The following EML6 variants were observed in gnomAD, a reference collection of about 807,000 sequenced individuals.
The protein encoded by EML6 is EMAP like 6.
EML6 carries 154 observed loss-of-function variants against 240.1 expected under a neutral mutation model. That is an observed-to-expected ratio of 0.64 (90% CI 0.56 to 0.73). The LOEUF is 0.73. Ranked by LOEUF, EML6 falls within the 30% of genes least tolerant of loss-of-function variation. EML6 has a pLI of 0.00. For missense variants in EML6, 2,964 were observed against 2,474.6 expected (o/e 1.20, Z -4.20); for synonymous variants, 1,148 against 899.0 (o/e 1.28, Z -4.95).
At chr2:54,795,595 G>A (rs1452241940) in intron 2 of EML6, among the ~76,000 whole-genome samples, 1 of 152,172 alleles carries the variant, frequency 6.6e-6, no homozygotes, top group Non-Finnish European at 1.5e-5. Context: ...CCAGCAAGGA[G>A]CATATGCCCC....
In EML6 at chr2:54,964,150, A is replaced by C. The variant is rs1459316849; in HGVS notation, c.5322A>C (p.Gln1774His). The C allele has an allele frequency of 3.2e-6, 5 of 1,551,550 alleles. No individual in the cohort carries two copies. The South Asian group carries it at 6.0e-5, about 18-fold the overall frequency. ...GKKRDRKSAI[Q>H]DIRISPDNRF... Reference sequence around the variant, plus strand: ...AACGAGACCGGAAATCTGCTATCCAAGATATCAGGTACCTAAGTGGGTGGT... The same window carrying C: ...AACGAGACCGGAAATCTGCTATCCACGATATCAGGTACCTAAGTGGGTGGT... Residue 1774 changes from glutamine to histidine, a missense_variant, in exon 37 of 42, where the codon CAA becomes CAC. Gln to His is a conservative substitution (Grantham distance 24, BLOSUM62 0). Transcript: ENST00000356458.
chr2:54,948,336 G>A (rs1675794862), intron 28 of EML6, among the ~76,000 whole-genome samples: 1 of 152,046 alleles, frequency 6.6e-6, no homozygotes, highest in African/African-American at 2.4e-5. Context: ...CTGTCCCTCT[G>A]CTTCCTGCCT....
chr2:54,841,048 C>G (rs1669420228), intron 7 of EML6, among the ~76,000 whole-genome samples: 1 of 152,086 alleles, frequency 6.6e-6, no homozygotes, highest in Non-Finnish European at 1.5e-5. Flanking sequence ...ATGTTGACTC[C>G]TGAGTGGTAA....
intron 2 of EML6, among the ~76,000 whole-genome samples, chr2:54,741,051 A>G (rs1683606939): frequency 6.6e-6 from 1 of 152,300 alleles, no homozygotes; most frequent in Non-Finnish European, 1.5e-5. Context: ...AAACGTGTTC[A>G]GTGCTTACTC....
At chr2:54,869,532 C>T (rs2103904519) in intron 15 of EML6, among the ~76,000 whole-genome samples, 165 bp downstream of exon 15, 1 of 152,282 alleles carries the variant, frequency 6.6e-6, no homozygotes. Flanking sequence ...GAGAATCAAG[C>T]AAAGCATTTT....
rs112958688 is a variant in EML6, at chr2:54,968,328, G to A, written c.5751+47G>A. The A allele has an allele frequency of 1.6e-3, 2,501 of 1,535,464 alleles. 5 individuals are homozygous for A. The highest frequency in any genetic ancestry group is 2.1e-3 in the Non-Finnish European group (2,372 of 1,132,492). ...CTCCCTGCAGGTTCTCTGTTTGGCC[G>A]TCTGCAGGAGATAGGGGCCACGTCT... On this transcript the variant is annotated intron_variant, in intron 40 of 41. Transcript: ENST00000356458.
intron 7 of EML6, among the ~76,000 whole-genome samples, chr2:54,840,138 C>A (rs1669365188): frequency 6.6e-6 from 1 of 152,142 alleles, no homozygotes; most frequent in South Asian, 2.1e-4. Context: ...TAAATAGATA[C>A]TTGACCAAAT....
At chr2:54,853,221 T>C (rs147872935) in intron 10 of EML6, among the ~76,000 whole-genome samples, 187 of 152,304 alleles carry the variant, frequency 1.2e-3, no homozygotes, top group Admixed American at 3.6e-3. Flanking sequence ...TGATACATGA[T>C]AAAAGTCATT....
chr2:54,937,547 T>C lies in EML6; in HGVS notation c.4004+8796T>C, dbSNP rs1364234248. ...CAGCCTGGGCCATAGAGCAAGACTC[T>C]GTCTTTAAAAAAAAAAAAAAAAAAA... is the stretch of plus-strand genomic sequence containing the variant. On this transcript the variant is annotated intron_variant, in intron 28 of 41. Transcript: ENST00000356458. Among the ~76,000 whole-genome samples, 6 of 106,296 alleles carry C rather than the reference T, an allele frequency of 5.6e-5. No homozygotes were observed. In the East Asian group the frequency reaches 1.6e-3, roughly 28 times the overall value. 69.7% of individuals were successfully genotyped at this position (106,296 alleles called of 152,430 possible).
intron 16 of EML6, among the ~76,000 whole-genome samples, chr2:54,874,447 C>T (rs1671404233): frequency 6.6e-6 from 1 of 152,122 alleles, no homozygotes; most frequent in Non-Finnish European, 1.5e-5. Flanking sequence ...AAGGGTATTT[C>T]AGTATTTTAA....
intron 4 of EML6, among the ~76,000 whole-genome samples, chr2:54,818,531 C>G (rs758304509): frequency 4.6e-5 from 7 of 152,206 alleles, no homozygotes; most frequent in Non-Finnish European, 1.0e-4. Flanking sequence ...ATATGCCTGC[C>G]CAGTTGCAGA....
In EML6 at chr2:54,827,696, A is replaced by T; in HGVS notation, c.656A>T (p.Asp219Val). The T allele has an allele frequency of 6.4e-7, 1 of 1,551,690 alleles. No individual in the cohort carries two copies. The highest frequency in any genetic ancestry group is 8.7e-7 in the Non-Finnish European group (1 of 1,146,950). The change falls in exon 6 of 42, where the codon GAC becomes GTC. Residue 219 changes from aspartate (D) to valine (V), a missense_variant. By Grantham distance (152) the Asp-to-Val change is radical. Transcript: ENST00000356458. ...DITYSGALNG[D>V]IYVWKGLNLV... The stretch of plus-strand genomic sequence containing the variant: ...ACCTACTCTGGTGCTTTAAATGGTG[A>T]CATCTATGTCTGGAAAGGGCTCAAT...
At chr2:54,792,634 C>A (rs1374471349) in intron 2 of EML6, among the ~76,000 whole-genome samples, 2 of 152,294 alleles carry the variant, frequency 1.3e-5, no homozygotes, top group East Asian at 3.9e-4. Flanking sequence ...ACTCACAGAA[C>A]TGTACACTAA....
chr2:54,922,776 A>G (rs1674327063), intron 26 of EML6, among the ~76,000 whole-genome samples: 2 of 152,178 alleles, frequency 1.3e-5, no homozygotes, highest in South Asian at 4.1e-4. Context: ...GGACATGGTA[A>G]GTGAGATGAG....
At position 54,739,969 on chromosome 2, in the gene EML6, G is replaced by A. The variant is rs934051343; in HGVS notation, c.197+14711G>A. Among the ~76,000 whole-genome samples, 7 of 152,214 alleles carry A rather than the reference G, an allele frequency of 4.6e-5. No homozygotes were observed. In the East Asian group the frequency reaches 1.3e-3, roughly 29 times the overall value. ...GAGGGCATTGGGAGTAGGGTAGAAA[G>A]AAGGCAGGTAGGTGTAACGTAGTGG... On this transcript the variant is annotated intron_variant, in intron 2 of 41. Transcript: ENST00000356458.
At chr2:54,965,672 C>T (rs1450953382) in intron 38 of EML6, among the ~76,000 whole-genome samples, 1 of 151,982 alleles carries the variant, frequency 6.6e-6, no homozygotes, top group Non-Finnish European at 1.5e-5. Flanking sequence ...TAAGTCACTT[C>T]CTGGGTGGGG....
intron 24 of EML6, among the ~76,000 whole-genome samples, chr2:54,909,138 C>G (rs1673505199): frequency 6.6e-6 from 1 of 152,178 alleles, no homozygotes; most frequent in African/African-American, 2.4e-5. Context: ...ATCTTAGTAT[C>G]TCATGGCCAA....
rs149170082 is a variant in EML6 at position 54,907,054 on chromosome 2, A to G, written c.3409+3552A>G. 1.5e-4 allele frequency among the ~76,000 whole-genome samples: 23 copies of G among 152,284 alleles called. 1 individual carries two copies. The East Asian group carries it at 4.4e-3, about 29-fold the overall frequency. On this transcript the variant is annotated intron_variant, in intron 24 of 41. Transcript: ENST00000356458. ...AGGTCCTTGGAAAACCAAAAAGTGC[A>G]CTGGGCTTTTGCAGGAACATCAGCT...
chr2:54,945,158 C>T, intron 28 of EML6, among the ~76,000 whole-genome samples: 1 of 90,136 alleles, frequency 1.1e-5, no homozygotes, highest in East Asian at 4.3e-4. Context: ...CTCCCTACCC[C>T]TCCTCCCCCT....
Sources: allele counts gnomAD v4.1 joint callset (sites outside exome capture counted in the v4.1 genomes callset), GRCh38; gene constraint gnomAD v4.1.1; transcripts MANE v1.5; gene names NCBI Gene and HGNC (gene_info 2026-07-23, HGNC 2026-07-21).